The following EYS variants were observed in gnomAD, a reference collection of about 807,000 sequenced individuals.
The protein encoded by EYS is protein eyes shut homolog.
EYS carries 250 observed loss-of-function variants against 282.1 expected under a neutral mutation model. That is an observed-to-expected ratio of 0.89 (90% CI 0.80 to 0.98). EYS has a LOEUF of 0.98. Among genes scored for constraint, EYS ranks in the 50% least tolerant of loss-of-function variants. EYS has a pLI of 0.00. For synonymous variants in EYS, 1,355 were observed against 1,282.9 expected, an observed-to-expected ratio of 1.06 and a Z score of -1.20; for missense variants, 4,016 against 3,709.0, an observed-to-expected ratio of 1.08 and a Z score of -2.15.
intron 31 of EYS, among the ~76,000 whole-genome samples, chr6:64,151,361 A>ATG (rs1340353320): frequency 4.7e-5 from 4 of 85,044 alleles, no homozygotes; most frequent in African/African-American, 2.1e-4. Context: ...ATATATATAT[A>ATG]TAATTTTTTT....
chr6:64,137,406 A>AG lies in EYS; in HGVS notation c.6425-55405dup, dbSNP rs540748191. On this transcript the variant is annotated intron_variant, in intron 31 of 42. Coordinates refer to ENST00000503581, the MANE Select transcript of EYS (RefSeq NM_001142800.2). ...TTCCTTTGCATTCACAACTTGGCTA[A>AG]GTAGTGCAAGAGACCTAGCATTTGA... 1.9e-4 allele frequency among the ~76,000 whole-genome samples: 29 copies of AG among 152,284 alleles called. 1 individual carries two copies. The East Asian group carries it at 5.0e-3, about 26-fold the overall frequency.
chr6:64,612,334 G>A (rs548466705), intron 24 of EYS, among the ~76,000 whole-genome samples: 2 of 152,098 alleles, frequency 1.3e-5, no homozygotes, highest in South Asian at 2.1e-4. Context: ...GACACTCATC[G>A]GTTAATGCAT....
chr6:65,061,460 A>G (rs1773571276), intron 12 of EYS, among the ~76,000 whole-genome samples: 2 of 151,892 alleles, frequency 1.3e-5, no homozygotes, highest in African/African-American at 4.8e-5. Flanking sequence ...TACTCACTCC[A>G]CACATGCGTA....
At chr6:64,137,465 T>A (rs760649004) in intron 31 of EYS, among the ~76,000 whole-genome samples, 2 of 152,172 alleles carry the variant, frequency 1.3e-5, no homozygotes, top group Non-Finnish European at 2.9e-5. Flanking sequence ...TTCCTCACGA[T>A]GCTTGATCAT....
intron 35 of EYS, among the ~76,000 whole-genome samples, chr6:63,930,223 G>A (rs1021104959): frequency 6.6e-6 from 1 of 151,912 alleles, no homozygotes; most frequent in East Asian, 1.9e-4. Context: ...AAAACATTAC[G>A]TTGTACCTCC....
chr6:65,256,375 C>T (rs1354519103), intron 12 of EYS, among the ~76,000 whole-genome samples: 3 of 139,458 alleles, frequency 2.2e-5, no homozygotes, highest in Non-Finnish European at 3.1e-5. Flanking sequence ...CCCACTAACT[C>T]GTCATCTAGC....
At chr6:64,270,454 C>G (rs1026753417) in intron 30 of EYS, among the ~76,000 whole-genome samples, 1 of 151,798 alleles carries the variant, frequency 6.6e-6, no homozygotes, top group Admixed American at 6.6e-5. Flanking sequence ...GAGAGGTGAA[C>G]GAAAGCACCT....
Position 64,554,388 on chromosome 6 carries a change from AG to A in EYS, c.5644+35834del, listed in dbSNP as rs1481907440. Among the ~76,000 whole-genome samples the A allele has an allele frequency of 6.6e-5, 10 of 152,196 alleles. No individual in the cohort carries two copies. In the East Asian group the frequency reaches 1.9e-3, roughly 29 times the overall value. ...ATGTGTCTCCTGGGGTGAAGAAATG[AG>A]TCAATTAGGTATAGAAGAAGGGGCA... On this transcript the variant is annotated intron_variant, in intron 26 of 42. Coordinates refer to ENST00000503581, the MANE Select transcript of EYS (RefSeq NM_001142800.2).
At chr6:64,091,642 A>T (rs1309694003) in intron 31 of EYS, among the ~76,000 whole-genome samples, 2 of 152,168 alleles carry the variant, frequency 1.3e-5, no homozygotes, top group African/African-American at 4.8e-5. Flanking sequence ...TGGATCAGGC[A>T]CTGAGAACAT....
chr6:64,727,299 T>C (rs772088211), intron 22 of EYS, among the ~76,000 whole-genome samples: 8 of 152,236 alleles, frequency 5.3e-5, no homozygotes, highest in Non-Finnish European at 8.8e-5. Context: ...TTTTCAGAGA[T>C]ACAATTTCCT....
intron 12 of EYS, among the ~76,000 whole-genome samples, chr6:65,203,525 AG>A (rs1367869375): frequency 6.6e-6 from 1 of 152,200 alleles, no homozygotes; most frequent in African/African-American, 2.4e-5. Context: ...CGCAAAGCAA[AG>A]GACTCTACCT....
In EYS at chr6:64,618,935, A is replaced by G. The variant is rs75331233; in HGVS notation, c.3569-1402T>C. ...AACATATTATTGAGCATAAAAACAT[A>G]TTGCATAAAAATACACCCTGATAAA... On this transcript the variant is annotated intron_variant, in intron 23 of 42. Coordinates refer to ENST00000503581, the MANE Select transcript of EYS (RefSeq NM_001142800.2). Among the ~76,000 whole-genome samples the G allele has an allele frequency of 2.6e-4, 39 of 152,330 alleles. No individual in the cohort carries two copies. The East Asian group carries it at 7.1e-3, about 28-fold the overall frequency.
At chr6:65,583,329 T>C (rs897267113) in intron 2 of EYS, among the ~76,000 whole-genome samples, 1 of 152,034 alleles carries the variant, frequency 6.6e-6, no homozygotes, top group African/African-American at 2.4e-5. Context: ...GAGGATAGTT[T>C]AATGGTATAT....
At chr6:64,144,917 C>A (rs1774460932) in intron 31 of EYS, among the ~76,000 whole-genome samples, 1 of 152,130 alleles carries the variant, frequency 6.6e-6, no homozygotes, top group African/African-American at 2.4e-5. Context: ...AGGGGTCCTT[C>A]TGTGCACATG....
chr6:64,853,882 A>T (rs9363275), intron 19 of EYS, among the ~76,000 whole-genome samples: 22,759 of 151,328 alleles, frequency 0.15, 1,929 homozygotes, highest in East Asian at 0.42. Context: ...GAATCTACAA[A>T]GAACTCAAAC....
chr6:64,994,934 T>C (rs1771197573), intron 14 of EYS, among the ~76,000 whole-genome samples: 1 of 152,162 alleles, frequency 6.6e-6, no homozygotes, highest in Non-Finnish European at 1.5e-5. Flanking sequence ...GGACCGGCCC[T>C]TTACTGGCTC....
chr6:65,341,055 ACT>A (rs1491251189), intron 10 of EYS, among the ~76,000 whole-genome samples: 1 of 150,644 alleles, frequency 6.6e-6, no homozygotes, highest in Non-Finnish European at 1.5e-5. Flanking sequence ...AAATAGGAAA[ACT>A]CTCCGTCTTC....
intron 14 of EYS, among the ~76,000 whole-genome samples, chr6:64,992,986 G>A (rs754382016): frequency 6.6e-6 from 1 of 151,990 alleles, no homozygotes; most frequent in Non-Finnish European, 1.5e-5. Flanking sequence ...AGAAGGTCCT[G>A]GGAGCCACAT....
At chr6:65,154,960 A>G (rs1764698597) in intron 12 of EYS, among the ~76,000 whole-genome samples, 1 of 151,698 alleles carries the variant, frequency 6.6e-6, no homozygotes, top group Non-Finnish European at 1.5e-5. Context: ...AAAAATTAAA[A>G]TGCCATAAGT....
Sources: allele counts gnomAD v4.1 joint callset (sites outside exome capture counted in the v4.1 genomes callset), GRCh38; gene constraint gnomAD v4.1.1; transcripts MANE v1.5; gene names NCBI Gene and HGNC (gene_info 2026-07-23, HGNC 2026-07-21).